The following SMARCA5 variants were observed in gnomAD, a reference collection of about 807,000 sequenced individuals.
SMARCA5 encodes the protein SWI/SNF-related matrix-associated actin-dependent regulator of chromatin subfamily A member 5.
Under a neutral mutation model 140.4 loss-of-function variants are expected in SMARCA5, and 18 were observed. The observed-to-expected ratio is 0.13, with a 90% CI of 0.09 to 0.19. The LOEUF is 0.19. SMARCA5 is among the 10% of genes least tolerant of loss of function. SMARCA5 has a pLI of 1.00. For synonymous variants in SMARCA5, 449 were observed against 419.6 expected, an observed-to-expected ratio of 1.07 and a Z score of -0.86; for missense variants, 606 against 1,276.8, an observed-to-expected ratio of 0.47 and a Z score of 8.01.
At chr4:143,527,592 C>T in intron 6 of SMARCA5, among the ~76,000 whole-genome samples, 1 of 152,290 alleles carries the variant, frequency 6.6e-6, no homozygotes, top group East Asian at 1.9e-4. Flanking sequence ...ATTTCCCGAT[C>T]TAGTGGAATT....
At chr4:143,539,904 A>C (rs775149218) in intron 13 of SMARCA5, among the ~76,000 whole-genome samples, 42 of 152,202 alleles carry the variant, frequency 2.8e-4, no homozygotes, top group Admixed American at 5.9e-4. Context: ...TATTAGAAAT[A>C]AGGGAGTTTT....
At position 143,545,549 on chromosome 4, in the gene SMARCA5, A is replaced by G; in HGVS notation, c.2363A>G (p.Glu788Gly). 6.2e-7 allele frequency: 1 copy of G among 1,608,124 alleles called. No individual in the cohort carries two copies. The highest frequency in any genetic ancestry group is 8.5e-7 in the Non-Finnish European group (1 of 1,174,766). Residue 788 changes from glutamate to glycine, a missense_variant, in exon 18 of 24, where the codon GAA becomes GGA. By Grantham distance (98) the Glu-to-Gly change is moderately conservative. Transcript: ENST00000283131. ...PPRLFELLEK[E>G]ILFYRKTIGY... is the part of the protein sequence containing the mutation. ...CGTTTATTTGAATTACTGGAAAAAG[A>G]AATTCTGTTTTACAGAAAAACTATT...
intron 5 of SMARCA5, 80 bp downstream of exon 5, chr4:143,525,631 T>A: frequency 1.1e-6 from 1 of 946,536 alleles, no homozygotes; most frequent in Non-Finnish European, 1.7e-6. Flanking sequence ...TCTTACAGTC[T>A]ACAACTGTTA....
intron 9 of SMARCA5, among the ~76,000 whole-genome samples, chr4:143,531,960 A>G (rs1737196147): frequency 6.6e-6 from 1 of 152,178 alleles, no homozygotes; most frequent in Non-Finnish European, 1.5e-5. Context: ...TCCTAATATT[A>G]TAGGACTTTG....
At chr4:143,536,093 A>G (rs1254121197) in intron 10 of SMARCA5, among the ~76,000 whole-genome samples, 1 of 152,132 alleles carries the variant, frequency 6.6e-6, no homozygotes, top group Non-Finnish European at 1.5e-5. Context: ...TTTCTGTTGC[A>G]AAAAAACTGC....
At chr4:143,517,804 CA>C (rs1736871370) in intron 2 of SMARCA5, among the ~76,000 whole-genome samples, 1 of 152,122 alleles carries the variant, frequency 6.6e-6, no homozygotes, top group Admixed American at 6.5e-5. Context: ...GATTAAATTA[CA>C]ACATGGGAGA....
chr4:143,557,281 T>C lies in SMARCA5; in HGVS notation c.*4097T>C, dbSNP rs1458430009. ...AGAATTTAGTTAATGTTGGAAACTTTGTAATATAAACAATGTAAACACTAC... is the reference window on the plus strand; with the variant it reads ...AGAATTTAGTTAATGTTGGAAACTTCGTAATATAAACAATGTAAACACTAC... On this transcript the variant is annotated 3_prime_UTR_variant, in exon 24 of 24. Transcript: ENST00000283131. The C allele has an allele frequency of 6.6e-6, 1 of 152,224 alleles. No homozygotes were observed. Among genetic ancestry groups the C allele is most frequent in the Non-Finnish European group, 1.5e-5 (1 of 68,040 alleles). 9.4% of individuals were successfully genotyped at this position (152,224 alleles called of 1,614,324 possible). A position where few individuals can be genotyped will look rare whatever the true frequency, so the allele number is the denominator to read the frequency against.
intron 14 of SMARCA5, 67 bp from the exon 15 acceptor site, chr4:143,543,442 A>G: frequency 1.5e-6 from 2 of 1,299,758 alleles, no homozygotes; most frequent in Non-Finnish European, 1.1e-6. Context: ...CCTTACATTT[A>G]AAGTTTCAAG....
At chr4:143,543,390 C>T in intron 14 of SMARCA5, 119 bp from the exon 15 acceptor site, 1 of 848,300 alleles carries the variant, frequency 1.2e-6, no homozygotes, top group South Asian at 1.9e-5. Context: ...AAACAGTAAA[C>T]AGAAATGATT....
At chr4:143,522,000 A>G (rs958961075) in intron 3 of SMARCA5, among the ~76,000 whole-genome samples, 1 of 151,768 alleles carries the variant, frequency 6.6e-6, no homozygotes, top group Non-Finnish European at 1.5e-5. Context: ...TGGAATTTAG[A>G]TGTCACGTCA....
At position 143,513,954 on chromosome 4, in the gene SMARCA5, C is replaced by T. The variant is rs1736760888; in HGVS notation, c.30C>T (p.Pro10=). 7.7e-6 allele frequency: 12 copies of T among 1,551,218 alleles called. No homozygotes were observed. Among genetic ancestry groups the T allele is most frequent in the Admixed American group, 1.9e-5 (1 of 54,032 alleles). ...CGTCCGCGGCCGAGCCTCCGCCACC[C>T]CCGCCTCCCGAGAGCGCGCCTTCCA... MSSAAEPPP[P]PPPESAPSKP... is the part of the protein sequence containing the mutation. The change falls in exon 1 of 24, where the codon CCC becomes CCT. Residue 10 remains proline, a synonymous_variant. Transcript: ENST00000283131.
intron 19 of SMARCA5, 148 bp from the exon 20 acceptor site, chr4:143,546,628 A>G (rs752247979): frequency 4.2e-5 from 26 of 616,924 alleles, no homozygotes; most frequent in Non-Finnish European, 6.0e-5. Context: ...TCAAAAGTGT[A>G]TATTTATGTA....
At chr4:143,545,140 A>G (rs1737498011) in intron 17 of SMARCA5, among the ~76,000 whole-genome samples, 1 of 151,874 alleles carries the variant, frequency 6.6e-6, no homozygotes, top group Non-Finnish European at 1.5e-5. Flanking sequence ...ATGGGGTTTC[A>G]CCATGTTGGC....
rs1205779967 is a variant in SMARCA5, at chr4:143,513,902, G to A, written c.-23G>A. ...CGCCGGACTCGGGCCTCTGGCAGCA[G>A]CGGGTGACGCAGACGGAACATCATG... is the stretch of plus-strand genomic sequence containing the variant. On this transcript the variant is annotated 5_prime_UTR_variant, in exon 1 of 24. Transcript: ENST00000283131. 1 of 1,535,640 alleles carries A rather than the reference G, an allele frequency of 6.5e-7. No individual in the cohort carries two copies. The highest frequency in any genetic ancestry group is 1.2e-5 in the South Asian group (1 of 84,260).
intron 17 of SMARCA5, 29 bp from the exon 18 acceptor site, chr4:143,545,441 G>A (rs1360765184): frequency 7.1e-7 from 1 of 1,415,312 alleles, no homozygotes; most frequent in Non-Finnish European, 1.0e-6. Flanking sequence ...TCTTTTTTAT[G>A]GATAACACTT....
In SMARCA5 at chr4:143,557,295, T is replaced by G. The variant is rs1477464174; in HGVS notation, c.*4111T>G. 1 of 152,226 alleles carries G rather than the reference T, an allele frequency of 6.6e-6. No individual in the cohort carries two copies. The highest frequency in any genetic ancestry group is 1.5e-5 in the Non-Finnish European group (1 of 68,026). The allele number at this position is 152,226 out of a possible 1,614,324, so 9.4% of individuals were successfully genotyped here. ...GTTGGAAACTTTGTAATATAAACAATGTAAACACTACATTGACAAAAATAT... is the reference window on the plus strand; with the variant it reads ...GTTGGAAACTTTGTAATATAAACAAGGTAAACACTACATTGACAAAAATAT... On this transcript the variant is annotated 3_prime_UTR_variant, in exon 24 of 24. Coordinates refer to ENST00000283131, the MANE Select transcript of SMARCA5 (RefSeq NM_003601.4).
intron 6 of SMARCA5, among the ~76,000 whole-genome samples, chr4:143,526,973 T>C (rs943365101): frequency 5.9e-5 from 9 of 152,188 alleles, no homozygotes; most frequent in African/African-American, 1.9e-4. Context: ...TTGGTTGTGC[T>C]CTCATTAGAA....
chr4:143,547,689 G>A (rs1038851533), intron 21 of SMARCA5, among the ~76,000 whole-genome samples, 186 bp downstream of exon 21: 5 of 152,022 alleles, frequency 3.3e-5, no homozygotes, highest in African/African-American at 1.2e-4. Context: ...CTGAGTCAAA[G>A]ACACTAAGAT....
chr4:143,527,406 T>C (rs1009823537), intron 6 of SMARCA5, among the ~76,000 whole-genome samples: 5 of 152,220 alleles, frequency 3.3e-5, no homozygotes, highest in Non-Finnish European at 7.3e-5. Context: ...TGGTAATTAC[T>C]TAACCAGTCT....
Sources: gnomAD v4.1 joint callset for allele counts (sites outside exome capture counted in the v4.1 genomes callset) on GRCh38, gnomAD v4.1.1 for gene constraint, MANE v1.5 for transcripts, NCBI Gene and HGNC (gene_info 2026-07-23, HGNC 2026-07-21) for gene names.